HAVCR1: variants seen among roughly 807,000 people sequenced by gnomAD.
The protein encoded by HAVCR1 is hepatitis A virus cellular receptor 1, also known as T cell immunoglobin domain and mucin domain protein 1.
HAVCR1 carries 34 observed loss-of-function variants against 32.0 expected under a neutral mutation model. That is an observed-to-expected ratio of 1.06 (90% CI 0.81 to 1.42). The LOEUF (loss-of-function observed/expected upper bound fraction) is 1.42. Ranked by LOEUF, HAVCR1 falls within the 40% of genes most tolerant of loss-of-function variation. HAVCR1 has a pLI of 0.00. For synonymous variants in HAVCR1, 178 were observed against 170.3 expected (o/e 1.05, Z -0.35); for missense variants, 420 against 442.3 (o/e 0.95, Z 0.45).
intron 8 of HAVCR1, among the ~76,000 whole-genome samples, chr5:157,031,759 G>C (rs536090955): frequency 7.0e-6 from 1 of 142,590 alleles, no homozygotes; most frequent in South Asian, 2.2e-4. Context: ...GGTGGAGGTT[G>C]CAGATCACAC....
chr5:157,039,512 C>A (rs1378069528), intron 6 of HAVCR1, among the ~76,000 whole-genome samples: 1 of 152,148 alleles, frequency 6.6e-6, no homozygotes, highest in Admixed American at 6.6e-5. Context: ...CCACACCCAG[C>A]TAATTTTTCT....
chr5:157,061,719 A>G (rs1292672089), upstream of HAVCR1, among the ~76,000 whole-genome samples: 1 of 148,550 alleles, frequency 6.7e-6, no homozygotes, highest in East Asian at 2.0e-4. Context: ...AAAAAAAGTT[A>G]TTAATTGAAT....
intron 5 of HAVCR1, among the ~76,000 whole-genome samples, chr5:157,044,063 G>A (rs1183092354): frequency 1.3e-5 from 2 of 152,098 alleles, no homozygotes; most frequent in African/African-American, 4.8e-5. Flanking sequence ...CAGGCACAGT[G>A]GCTCATGCCT....
intron 8 of HAVCR1, 83 bp from the exon 9 acceptor site, chr5:157,029,924 G>T: frequency 1.7e-6 from 2 of 1,161,144 alleles, no homozygotes; most frequent in Non-Finnish European, 2.5e-6. Context: ...TTTTGTTTAT[G>T]ATCAGGCAAT....
At chr5:157,056,154 T>A (rs368293315) in intron 2 of HAVCR1, among the ~76,000 whole-genome samples, 1 of 151,068 alleles carries the variant, frequency 6.6e-6, no homozygotes, top group East Asian at 2.0e-4. Context: ...AGTCTTGAAC[T>A]CCTGACCTCA....
upstream of HAVCR1, among the ~76,000 whole-genome samples, chr5:157,059,465 G>A (rs190773897): frequency 3.8e-4 from 58 of 151,930 alleles, no homozygotes; most frequent in African/African-American, 1.2e-3. Flanking sequence ...ACCTGAGGTC[G>A]GGAGTTCAAG....
In HAVCR1 at chr5:157,055,243, A is replaced by G. The variant is rs1240319173; in HGVS notation, c.337T>C (p.Phe113Leu). 5 of 1,595,224 alleles carry G rather than the reference A, an allele frequency of 3.1e-6. No homozygotes were observed. The African/African-American group carries it at 6.7e-5, about 21-fold the overall frequency. The part of the protein sequence containing the change: ...YCCRVEHRGW[F>L]NDMKITVSLE... ...GATACGGTGATTTTCATGTCATTGA[A>G]CCACCCACGGTGCTCAACACGGCAA... Residue 113 changes from phenylalanine to leucine, a missense_variant, in exon 3 of 9, where the codon TTC becomes CTC. Phe to Leu is a conservative substitution (Grantham distance 22, BLOSUM62 0). Coordinates refer to ENST00000523175, the MANE Select transcript of HAVCR1 (RefSeq NM_001173393.3).
chr5:157,042,877 C>T (rs1754995675), intron 5 of HAVCR1, among the ~76,000 whole-genome samples, 195 bp from the exon 6 acceptor site: 1 of 152,148 alleles, frequency 6.6e-6, no homozygotes, highest in African/African-American at 2.4e-5. Context: ...TATTTCTTAA[C>T]CTTTCTGTCA....
At chr5:157,040,656 G>C (rs914134859) in intron 6 of HAVCR1, among the ~76,000 whole-genome samples, 1 of 151,944 alleles carries the variant, frequency 6.6e-6, no homozygotes, top group African/African-American at 2.4e-5. Context: ...CCCAGCACTT[G>C]TGGGAGGCCA....
At chr5:157,049,703 C>G (rs1424064917) in intron 4 of HAVCR1, among the ~76,000 whole-genome samples, 1 of 152,206 alleles carries the variant, frequency 6.6e-6, no homozygotes, top group Non-Finnish European at 1.5e-5. Flanking sequence ...CTTGAGGTCT[C>G]TTAAAGCTGA....
At chr5:157,045,618 A>C (rs1755348816) in intron 5 of HAVCR1, among the ~76,000 whole-genome samples, 1 of 148,162 alleles carries the variant, frequency 6.7e-6, no homozygotes, top group South Asian at 2.1e-4. Flanking sequence ...AATAGCATTA[A>C]ATATGGCCTG....
At chr5:157,044,818 T>C (rs1165587205) in intron 5 of HAVCR1, among the ~76,000 whole-genome samples, 1 of 133,170 alleles carries the variant, frequency 7.5e-6, no homozygotes, top group Non-Finnish European at 1.6e-5. Flanking sequence ...GATGGGGTGA[T>C]GCAGAAAAAC....
At chr5:157,036,129 G>A (rs1754513514) in intron 7 of HAVCR1, among the ~76,000 whole-genome samples, 1 of 152,024 alleles carries the variant, frequency 6.6e-6, no homozygotes, top group Admixed American at 6.6e-5. Flanking sequence ...GATCACCTGA[G>A]GTTAGGAGTT....
chr5:157,036,228 C>T (rs1252533836), intron 7 of HAVCR1, among the ~76,000 whole-genome samples: 2 of 151,970 alleles, frequency 1.3e-5, no homozygotes, highest in African/African-American at 2.4e-5. Context: ...CCTGTAATCC[C>T]AGCACTTTGG....
At chr5:157,031,794 CAAAAAA>C (rs57821791) in intron 8 of HAVCR1, among the ~76,000 whole-genome samples, 2 of 106,570 alleles carry the variant, frequency 1.9e-5, no homozygotes, top group Non-Finnish European at 3.7e-5. Context: ...CTGGGTGTCT[CAAAAAA>C]AAAAAAAAAA....
rs772667379 is a variant in HAVCR1 at position 157,029,729 on chromosome 5, G to A, written c.*4C>T. ...CGTAAACTCTCAAAGAGCACCACTGGGTCTTAGTCCGTGGCATAAAGACTA... is the reference window on the plus strand; with the variant it reads ...CGTAAACTCTCAAAGAGCACCACTGAGTCTTAGTCCGTGGCATAAAGACTA... On this transcript the variant is annotated 3_prime_UTR_variant, in exon 9 of 9. Transcript: ENST00000523175. 6.2e-7 allele frequency: 1 copy of A among 1,612,676 alleles called. No individual in the cohort carries two copies. Among genetic ancestry groups the A allele is most frequent in the South Asian group, 1.1e-5 (1 of 91,058 alleles).
chr5:157,052,318 C>T lies in HAVCR1; in HGVS notation c.673+43G>A, dbSNP rs777086869. 5.7e-6 allele frequency: 9 copies of T among 1,570,142 alleles called. No individual in the cohort carries two copies. In the South Asian group the frequency reaches 1.0e-4, roughly 18 times the overall value. On this transcript the variant is annotated intron_variant, in intron 4 of 8. Coordinates refer to ENST00000523175, the MANE Select transcript of HAVCR1 (RefSeq NM_001173393.3). The stretch of plus-strand genomic sequence containing the variant: ...ACAATGCCCTGGATGGTCCGCAGCT[C>T]CTCATTAGAAGGCCTTTGGGCTTCC...
chr5:157,065,049 T>C, the HAVCR1 span, among the ~76,000 whole-genome samples: 1 of 152,098 alleles, frequency 6.6e-6, no homozygotes, highest in Non-Finnish European at 1.5e-5. Flanking sequence ...TGGTATTGGC[T>C]GGGTGCGGTG....
At chr5:157,048,637 T>C (rs960169655) in intron 5 of HAVCR1, among the ~76,000 whole-genome samples, 3 of 152,072 alleles carry the variant, frequency 2.0e-5, no homozygotes, top group Admixed American at 1.3e-4. Context: ...GAGACAATCG[T>C]GACTAAGACG....
Sources: allele counts gnomAD v4.1 joint callset (sites outside exome capture counted in the v4.1 genomes callset), GRCh38; gene constraint gnomAD v4.1.1; transcripts MANE v1.5; gene names NCBI Gene and HGNC (gene_info 2026-07-23, HGNC 2026-07-21).